The following IPO5 variants were observed in gnomAD, a reference collection of about 807,000 sequenced individuals.
IPO5 encodes importin 5.
IPO5 carries 18 observed loss-of-function variants against 143.3 expected under a neutral mutation model. The observed-to-expected ratio is 0.13, with a 90% CI of 0.09 to 0.19. The LOEUF is 0.19. Among genes scored for constraint, IPO5 ranks in the 10% least tolerant of loss-of-function variants. The pLI, the probability that IPO5 is intolerant of heterozygous loss-of-function variation, is 1.00. For synonymous variants in IPO5, 477 were observed against 465.7 expected, an observed-to-expected ratio of 1.02 and a Z score of -0.31; for missense variants, 1,013 against 1,336.9, an observed-to-expected ratio of 0.76 and a Z score of 3.78.
At chr13:97,999,035 C>A (rs949175994) in intron 12 of IPO5, among the ~76,000 whole-genome samples, 1 of 151,960 alleles carries the variant, frequency 6.6e-6, no homozygotes, top group East Asian at 1.9e-4. Flanking sequence ...GCCAGCTACT[C>A]GGGAAGCTAA....
chr13:98,004,007 AATG>A (rs1202824804), intron 16 of IPO5, among the ~76,000 whole-genome samples: 1 of 152,234 alleles, frequency 6.6e-6, no homozygotes, highest in Admixed American at 6.5e-5. Flanking sequence ...AAAACAATTG[AATG>A]ATGTTAGTCC....
At chr13:97,968,517 T>C (rs1226157115) in intron 2 of IPO5, among the ~76,000 whole-genome samples, 1 of 152,262 alleles carries the variant, frequency 6.6e-6, no homozygotes, top group Non-Finnish European at 1.5e-5. Flanking sequence ...ATTTCTCCCT[T>C]AATTCTGTCA....
At chr13:98,020,897 C>T in intron 27 of IPO5, 95 bp from the exon 28 acceptor site, 11 of 946,866 alleles carry the variant, frequency 1.2e-5, no homozygotes, top group Non-Finnish European at 1.8e-5. Flanking sequence ...TGGTTTTCTT[C>T]CTACTGAATT....
intron 2 of IPO5, among the ~76,000 whole-genome samples, chr13:97,968,563 A>T (rs745485129): frequency 6.6e-6 from 1 of 152,228 alleles, no homozygotes; most frequent in Non-Finnish European, 1.5e-5. Flanking sequence ...TGTTAGGCAC[A>T]TGTGTTTAAA....
chr13:98,010,161 T>A lies in IPO5; in HGVS notation c.1992T>A (p.Asp664Glu). 1 of 1,614,142 alleles carries A rather than the reference T, an allele frequency of 6.2e-7. No homozygotes were observed. Among genetic ancestry groups the A allele is most frequent in the Non-Finnish European group, 8.5e-7 (1 of 1,179,978 alleles). The change falls in exon 20 of 29, where the codon GAT (aspartate) becomes GAA (glutamate). Residue 664 changes from aspartate (D) to glutamate (E), a missense_variant. Transcript: ENST00000651721. ...GTTGGGAATTTGTGAACCTTGGAGA[T>A]CAGCAAAGCTTTGGTATTAAAACTG... ...DDGWEFVNLGDQQSFGIKTAG... is the reference protein window; with the variant it reads ...DDGWEFVNLGEQQSFGIKTAG...
chr13:97,973,769 C>G (rs573945027), intron 3 of IPO5, among the ~76,000 whole-genome samples: 1 of 152,280 alleles, frequency 6.6e-6, no homozygotes, highest in African/African-American at 2.4e-5. Flanking sequence ...CGCTTTGCCT[C>G]GTTAAAAAAC....
At chr13:97,997,444 G>A in intron 11 of IPO5, 87 bp from the exon 12 acceptor site, 1 of 680,704 alleles carries the variant, frequency 1.5e-6, no homozygotes, top group Non-Finnish European at 2.4e-6. Flanking sequence ...TACAGGCAAA[G>A]TAAAATCTTA....
chr13:97,958,644 C>T (rs1884635568), intron 2 of IPO5, among the ~76,000 whole-genome samples: 5 of 151,230 alleles, frequency 3.3e-5, no homozygotes, highest in Admixed American at 2.6e-4. Flanking sequence ...ACCCTCTGTC[C>T]AGCTCATTTC....
rs1258379994 is a variant in IPO5 at position 98,002,609 on chromosome 13, T to C, written c.1233+18T>C. On this transcript the variant is annotated intron_variant, in intron 14 of 28. Coordinates refer to ENST00000651721, the MANE Select transcript of IPO5 (RefSeq NM_002271.6). ...AGGATCCTGTAAGTACCAGTAAATA[T>C]TTGATTCAAAATGATTAGTGTAGCT... 1.2e-6 allele frequency: 2 copies of C among 1,611,594 alleles called. No homozygotes were observed. The highest frequency in any genetic ancestry group is 1.7e-6 in the Non-Finnish European group (2 of 1,179,004).
intron 13 of IPO5, 171 bp downstream of exon 13, chr13:98,000,816 G>C (rs553006407): frequency 5.2e-6 from 3 of 575,550 alleles, no homozygotes. Flanking sequence ...AAAATGTACA[G>C]ATTTACTTCC....
chr13:98,021,694 G>T (rs372096807), intron 28 of IPO5, 42 bp from the exon 29 acceptor site: 1 of 1,210,424 alleles, frequency 8.3e-7, no homozygotes, highest in South Asian at 1.6e-5. Flanking sequence ...CCTTCCAAAT[G>T]AGCATTTCGT....
At chr13:97,964,891 C>T (rs546815728) in intron 2 of IPO5, among the ~76,000 whole-genome samples, 1 of 152,258 alleles carries the variant, frequency 6.6e-6, no homozygotes, top group South Asian at 2.1e-4. Flanking sequence ...CACATGCACA[C>T]GTATGTTTAT....
intron 2 of IPO5, among the ~76,000 whole-genome samples, chr13:97,968,714 G>A (rs1326609985): frequency 6.6e-6 from 1 of 151,942 alleles, no homozygotes; most frequent in Non-Finnish European, 1.5e-5. Flanking sequence ...TTTTTGAGAT[G>A]GAGTCTTGCT....
At chr13:97,980,067 C>T (rs1886712146) in intron 4 of IPO5, 1 of 388,548 alleles carries the variant, frequency 2.6e-6, no homozygotes, top group Non-Finnish European at 5.2e-6. Flanking sequence ...GGAATCAAAT[C>T]AAATTGAAAT....
In IPO5 at chr13:97,982,501, A is replaced by G; in HGVS notation, c.91-2A>G. ...CCTAACCATTTTTTTTTTTCCATGC[A>G]GGAAACCTATGAGAATATCCCAGGC... On this transcript the variant is annotated splice_acceptor_variant, in intron 4 of 28. Transcript: ENST00000651721. LOFTEE classifies it high-confidence loss of function. The G allele has an allele frequency of 6.3e-7, 1 of 1,599,634 alleles. No individual in the cohort carries two copies. Among genetic ancestry groups the G allele is most frequent in the African/African-American group, 1.3e-5 (1 of 74,148 alleles).
chr13:98,013,242 G>GTTTGTT (rs1179237962), intron 21 of IPO5, among the ~76,000 whole-genome samples: 3 of 151,920 alleles, frequency 2.0e-5, no homozygotes, highest in African/African-American at 7.3e-5. Context: ...TTTTTTGTTT[G>GTTTGTT]TTTGTTTTTG....
chr13:97,979,922 CTT>C, intron 4 of IPO5: 1 of 456,704 alleles, frequency 2.2e-6, no homozygotes, highest in Non-Finnish European at 4.4e-6. Context: ...TGTGTCCCCT[CTT>C]TTACTTTTCC....
chr13:98,006,980 G>A (rs765825659), intron 17 of IPO5, among the ~76,000 whole-genome samples: 15 of 148,846 alleles, frequency 1.0e-4, no homozygotes, highest in African/African-American at 2.5e-4. Flanking sequence ...ATTCTCCTGC[G>A]TCAGCCTCCC....
At chr13:97,999,306 G>A (rs534769616) in intron 12 of IPO5, among the ~76,000 whole-genome samples, 7 of 152,230 alleles carry the variant, frequency 4.6e-5, no homozygotes, top group Non-Finnish European at 8.8e-5. Context: ...CTTTAATACT[G>A]TCTTGAAGTA....
Sources: gnomAD v4.1 joint callset for allele counts (sites outside exome capture counted in the v4.1 genomes callset) on GRCh38, gnomAD v4.1.1 for gene constraint, MANE v1.5 for transcripts, NCBI Gene and HGNC (gene_info 2026-07-23, HGNC 2026-07-21) for gene names.